TTC28: variants seen among roughly 807,000 people sequenced by gnomAD.
The protein encoded by TTC28 is tetratricopeptide repeat domain 28.
TTC28 carries 61 observed loss-of-function variants against 198.0 expected under a neutral mutation model. That is an observed-to-expected ratio of 0.31 (90% CI 0.25 to 0.38). The LOEUF (loss-of-function observed/expected upper bound fraction) is 0.38, where lower values mean the gene tolerates loss of function less well. TTC28 is among the 10% of genes least tolerant of loss of function. TTC28 has a pLI of 1.00. For synonymous variants in TTC28, 1,171 were observed against 1,297.8 expected (o/e 0.90, Z 2.10); for missense variants, 2,678 against 3,164.0 (o/e 0.85, Z 3.69).
intron 1 of TTC28, among the ~76,000 whole-genome samples, chr22:28,657,762 C>A (rs942174997): frequency 2.0e-4 from 30 of 152,040 alleles, no homozygotes; most frequent in African/African-American, 6.8e-4. Context: ...ACCTATTGTC[C>A]CAGCTACTTG....
At chr22:28,251,462 A>G (rs926744114) in intron 5 of TTC28, among the ~76,000 whole-genome samples, 4 of 152,234 alleles carry the variant, frequency 2.6e-5, no homozygotes, top group African/African-American at 9.6e-5. Context: ...CCTTTACAGA[A>G]GAAGTTTGCC....
chr22:28,646,725 C>T (rs970678706), intron 1 of TTC28, among the ~76,000 whole-genome samples: 1 of 152,084 alleles, frequency 6.6e-6, no homozygotes. Flanking sequence ...ATTAGCCTGG[C>T]ATGGTGGTGT....
At chr22:28,031,265 G>A (rs1310415647) in intron 12 of TTC28, among the ~76,000 whole-genome samples, 3 of 152,098 alleles carry the variant, frequency 2.0e-5, no homozygotes, top group Admixed American at 1.3e-4. Context: ...CCAACCAACT[G>A]AGGCTCACAA....
intron 6 of TTC28, among the ~76,000 whole-genome samples, chr22:28,117,567 C>T (rs1485095151): frequency 6.6e-6 from 1 of 152,154 alleles, no homozygotes; most frequent in Non-Finnish European, 1.5e-5. Flanking sequence ...TAAACTTGAA[C>T]CAAATTACCT....
intron 5 of TTC28, among the ~76,000 whole-genome samples, chr22:28,284,834 A>G (rs2044650047): frequency 6.6e-6 from 1 of 152,238 alleles, no homozygotes; most frequent in South Asian, 2.1e-4. Context: ...TACCAAAAAC[A>G]AAAGAGATAA....
chr22:28,548,398 A>T (rs933573623), intron 2 of TTC28, among the ~76,000 whole-genome samples: 4 of 152,184 alleles, frequency 2.6e-5, no homozygotes, highest in African/African-American at 9.7e-5. Context: ...CCAACATGGC[A>T]ATCTCTGAAC....
At chr22:28,267,472 A>G (rs1931758879) in intron 5 of TTC28, among the ~76,000 whole-genome samples, 1 of 152,212 alleles carries the variant, frequency 6.6e-6, no homozygotes, top group Non-Finnish European at 1.5e-5. Context: ...AGACAAGCCT[A>G]GTATCTGTTT....
At chr22:28,382,368 A>G (rs1183301629) in intron 2 of TTC28, among the ~76,000 whole-genome samples, 2 of 152,180 alleles carry the variant, frequency 1.3e-5, no homozygotes. Flanking sequence ...TGCTTTCTCC[A>G]CATCATCACT....
intron 12 of TTC28, among the ~76,000 whole-genome samples, chr22:28,061,661 A>G (rs1392303324): frequency 6.6e-6 from 1 of 152,176 alleles, no homozygotes; most frequent in Non-Finnish European, 1.5e-5. Context: ...TGATGCCTCC[A>G]GCTTTGTTCT....
chr22:28,316,946 T>C lies in TTC28; in HGVS notation c.382-10303A>G, dbSNP rs553727564. On this transcript the variant is annotated intron_variant, in intron 2 of 22. Transcript: ENST00000397906. ...CATGCCTGGCTAACTTAAATTTTTT[T>C]CTTTTTTTTTAGAGAGAGGATCTCG... Among the ~76,000 whole-genome samples the C allele has an allele frequency of 4.6e-5, 7 of 152,188 alleles. No homozygotes were observed. In the South Asian group the frequency reaches 1.5e-3, roughly 32 times the overall value.
chr22:28,286,952 T>C (rs374560906), intron 5 of TTC28, among the ~76,000 whole-genome samples: 2 of 152,168 alleles, frequency 1.3e-5, no homozygotes, highest in East Asian at 1.9e-4. Flanking sequence ...AATATATTTA[T>C]AGATTCAATG....
chr22:28,426,632 T>C (rs1307859860), intron 2 of TTC28, among the ~76,000 whole-genome samples: 2 of 152,158 alleles, frequency 1.3e-5, no homozygotes, highest in African/African-American at 4.8e-5. Flanking sequence ...AACTAGTCTA[T>C]TTTGACAAGA....
intron 5 of TTC28, among the ~76,000 whole-genome samples, chr22:28,274,999 A>AAAAAG (rs1405396634): frequency 5.4e-5 from 8 of 147,630 alleles, no homozygotes; most frequent in Admixed American, 1.3e-4. Context: ...AAAAAAAAAA[A>AAAAAG]AGAGAGAGAG....
chr22:27,988,679 G>A (rs965563273), intron 21 of TTC28, among the ~76,000 whole-genome samples: 1 of 152,132 alleles, frequency 6.6e-6, no homozygotes, highest in Non-Finnish European at 1.5e-5. Context: ...CTTCTCAAGG[G>A]TGTCCACTTC....
At chr22:28,302,687 T>C (rs1192318087) in intron 3 of TTC28, among the ~76,000 whole-genome samples, 1 of 152,130 alleles carries the variant, frequency 6.6e-6, no homozygotes, top group Non-Finnish European at 1.5e-5. Flanking sequence ...TTTTGTTTTT[T>C]TAAGACGGAG....
chr22:28,239,952 T>G (rs1929547446), intron 5 of TTC28, among the ~76,000 whole-genome samples: 1 of 152,220 alleles, frequency 6.6e-6, no homozygotes, highest in Non-Finnish European at 1.5e-5. Context: ...ATGTCACTAC[T>G]GACATTTGGG....
chr22:28,428,417 T>C (rs1363359429), intron 2 of TTC28, among the ~76,000 whole-genome samples: 1 of 152,094 alleles, frequency 6.6e-6, no homozygotes, highest in Non-Finnish European at 1.5e-5. Flanking sequence ...TTAGCTCTTA[T>C]CATTTCCTCC....
intron 12 of TTC28, among the ~76,000 whole-genome samples, chr22:28,084,596 C>T (rs1315558995): frequency 6.6e-6 from 1 of 152,166 alleles, no homozygotes; most frequent in Non-Finnish European, 1.5e-5. Flanking sequence ...CTCTAAAAAT[C>T]AGAGTGCCTC....
intron 2 of TTC28, among the ~76,000 whole-genome samples, chr22:28,616,729 C>G (rs1323388225): frequency 6.6e-6 from 1 of 152,010 alleles, no homozygotes; most frequent in African/African-American, 2.4e-5. Flanking sequence ...CGCCTGCAGT[C>G]CCAACTACTT....
Sources: allele counts gnomAD v4.1 joint callset (sites outside exome capture counted in the v4.1 genomes callset), GRCh38; gene constraint gnomAD v4.1.1; transcripts MANE v1.5; gene names NCBI Gene and HGNC (gene_info 2026-07-23, HGNC 2026-07-21).